Variants in SPAG16 observed in about 807,000 individuals in gnomAD.
The protein encoded by SPAG16 is sperm associated antigen 16.
SPAG16 carries 86 observed loss-of-function variants against 80.4 expected under a neutral mutation model. The observed-to-expected ratio is 1.07, with a 90% CI of 0.90 to 1.28. The LOEUF (loss-of-function observed/expected upper bound fraction) is 1.28, where lower values mean the gene tolerates loss of function less well. Among genes scored for constraint, SPAG16 ranks in the 50% most tolerant of loss-of-function variants. The pLI is 0.00. For missense variants in SPAG16, 870 were observed against 765.3 expected, an observed-to-expected ratio of 1.14 and a Z score of -1.61; for synonymous variants, 294 against 265.9, an observed-to-expected ratio of 1.11 and a Z score of -1.03.
At chr2:213,561,818 T>TA (rs764476316) in intron 10 of SPAG16, among the ~76,000 whole-genome samples, 9 of 152,326 alleles carry the variant, frequency 5.9e-5, no homozygotes, top group Non-Finnish European at 8.8e-5. Context: ...CCAGCTCTGT[T>TA]ATCACATTAT....
chr2:213,716,680 A>C (rs992573634), intron 10 of SPAG16, among the ~76,000 whole-genome samples: 1 of 152,150 alleles, frequency 6.6e-6, no homozygotes, highest in Admixed American at 6.5e-5. Context: ...ACTACCTTCA[A>C]GTTTAGCCGT....
In SPAG16 at chr2:214,222,874, A is replaced by C. The variant is rs912183265; in HGVS notation, c.1720+73608A>C. Among the ~76,000 whole-genome samples, 5 of 152,180 alleles carry C rather than the reference A, an allele frequency of 3.3e-5. No homozygotes were observed. In the South Asian group the frequency reaches 8.3e-4, roughly 25 times the overall value. On this transcript the variant is annotated intron_variant, in intron 15 of 15. Coordinates refer to ENST00000331683, the MANE Select transcript of SPAG16 (RefSeq NM_024532.5). ...ATCTTTGAAGGTGTGGCCTTGGGTT[A>C]TATTTTTTAAAACTCTACAGATAAT...
intron 5 of SPAG16, among the ~76,000 whole-genome samples, chr2:213,324,230 T>G (rs1328086359): frequency 1.3e-5 from 2 of 149,944 alleles, no homozygotes; most frequent in Non-Finnish European, 3.0e-5. Flanking sequence ...TCACTTCTAC[T>G]CTTACCCATT....
At chr2:213,737,632 C>T (rs2067348964) in intron 10 of SPAG16, among the ~76,000 whole-genome samples, 2 of 151,848 alleles carry the variant, frequency 1.3e-5, no homozygotes, top group South Asian at 4.1e-4. Context: ...GGACTATAGG[C>T]GCCCGCCACC....
At chr2:214,397,546 C>T (rs1048136028) in intron 15 of SPAG16, among the ~76,000 whole-genome samples, 5 of 152,304 alleles carry the variant, frequency 3.3e-5, no homozygotes, top group South Asian at 2.1e-4. Context: ...CACTTTACCC[C>T]TACCTTCCCT....
chr2:213,868,445 AAC>A (rs1220298030), intron 11 of SPAG16, among the ~76,000 whole-genome samples: 1 of 152,204 alleles, frequency 6.6e-6, no homozygotes, highest in Non-Finnish European at 1.5e-5. Context: ...GGGCAACAAA[AAC>A]ACAGAGTTAC....
intron 11 of SPAG16, among the ~76,000 whole-genome samples, chr2:213,923,165 G>A (rs575903842): frequency 3.3e-5 from 5 of 151,828 alleles, no homozygotes; most frequent in African/African-American, 1.2e-4. Context: ...CCTATCAGAT[G>A]TGGCTCACCT....
intron 9 of SPAG16, among the ~76,000 whole-genome samples, chr2:213,433,915 C>CTTTTTTTTTTTTTTTTTTTTT (rs33989475): frequency 1.2e-5 from 1 of 85,014 alleles, no homozygotes; most frequent in African/African-American, 4.3e-5. Flanking sequence ...TTTTCTTTGT[C>CTTTTTTTTTTTTTTTTTTTTT]TTTTTTTTTT....
intron 10 of SPAG16, among the ~76,000 whole-genome samples, chr2:213,681,321 C>T (rs1239533640): frequency 1.3e-5 from 2 of 152,068 alleles, no homozygotes; most frequent in South Asian, 2.1e-4. Context: ...AAATAAAATC[C>T]ATCTAATGCG....
chr2:214,281,830 A>G (rs1443716274), intron 15 of SPAG16, among the ~76,000 whole-genome samples: 1 of 152,230 alleles, frequency 6.6e-6, no homozygotes, highest in Non-Finnish European at 1.5e-5. Context: ...ATACAATAAA[A>G]TGTAATAAAC....
At chr2:214,011,640 CT>C (rs1168119157) in intron 12 of SPAG16, among the ~76,000 whole-genome samples, 1 of 152,118 alleles carries the variant, frequency 6.6e-6, no homozygotes, top group East Asian at 1.9e-4. Flanking sequence ...TTGTTGACCC[CT>C]GGTATACACA....
chr2:213,411,367 A>G (rs1488424960), intron 9 of SPAG16, among the ~76,000 whole-genome samples: 1 of 152,210 alleles, frequency 6.6e-6, no homozygotes, highest in South Asian at 2.1e-4. Flanking sequence ...AAAAATGTAG[A>G]TTGGATAAAC....
chr2:213,748,296 T>C (rs937431842), intron 10 of SPAG16, among the ~76,000 whole-genome samples: 1 of 152,176 alleles, frequency 6.6e-6, no homozygotes, highest in African/African-American at 2.4e-5. Flanking sequence ...TCAGAAGCAC[T>C]TTTATTCAGG....
intron 13 of SPAG16, among the ~76,000 whole-genome samples, chr2:214,041,031 T>A (rs1172743967): frequency 6.6e-6 from 1 of 152,056 alleles, no homozygotes. Flanking sequence ...TGAGCCTTTT[T>A]GTTTATTTTA....
intron 10 of SPAG16, among the ~76,000 whole-genome samples, chr2:213,544,084 G>C (rs2076537928): frequency 6.6e-6 from 1 of 151,046 alleles, no homozygotes. Context: ...GTCAAATGTT[G>C]GACCTATTGT....
chr2:214,363,672 G>A (rs1699313034), intron 15 of SPAG16, among the ~76,000 whole-genome samples: 1 of 152,018 alleles, frequency 6.6e-6, no homozygotes, highest in African/African-American at 2.4e-5. Context: ...ATGGGCATAT[G>A]CAGGGGGGCT....
chr2:214,208,106 C>G (rs556886416), intron 15 of SPAG16, among the ~76,000 whole-genome samples: 25 of 152,316 alleles, frequency 1.6e-4, no homozygotes, highest in African/African-American at 5.5e-4. Flanking sequence ...CTTAATAACT[C>G]TCTTTCATAT....
chr2:213,981,374 C>CT (rs2045736604), intron 12 of SPAG16, among the ~76,000 whole-genome samples: 1 of 151,978 alleles, frequency 6.6e-6, no homozygotes, highest in Admixed American at 6.6e-5. Context: ...TCAAGGAGCT[C>CT]TTTTTTTCCA....
At chr2:213,934,859 T>C (rs1328487555) in intron 12 of SPAG16, among the ~76,000 whole-genome samples, 3 of 152,160 alleles carry the variant, frequency 2.0e-5, no homozygotes, top group Non-Finnish European at 1.5e-5. Context: ...ACCCCTGTTT[T>C]GTAACTTCAG....
Sources: gnomAD v4.1 joint callset for allele counts (sites outside exome capture counted in the v4.1 genomes callset) on GRCh38, gnomAD v4.1.1 for gene constraint, MANE v1.5 for transcripts, NCBI Gene and HGNC (gene_info 2026-07-23, HGNC 2026-07-21) for gene names.